Variants in ZSWIM6 observed in about 807,000 individuals in gnomAD.
ZSWIM6 encodes the protein zinc finger SWIM-type containing 6, also known as zinc finger SWIM domain-containing protein 6.
A neutral mutation model predicts 113.2 loss-of-function variants in ZSWIM6; 9 were observed. The ratio of observed to expected loss-of-function variants is 0.08; its 90% CI spans 0.05 to 0.14. ZSWIM6 has a LOEUF of 0.14. ZSWIM6 is among the 10% of genes least tolerant of loss of function. ZSWIM6 has a pLI of 1.00. For missense variants in ZSWIM6, 1,162 were observed against 1,552.2 expected (o/e 0.75, Z 4.22); for synonymous variants, 611 against 606.5 (o/e 1.01, Z -0.11).
chr5:61,391,608 G>A (rs1396698390), intron 1 of ZSWIM6: 1 of 905,184 alleles, frequency 1.1e-6, no homozygotes, highest in East Asian at 2.4e-5. Context: ...AGCCCACAAT[G>A]GCCACAACCA....
At chr5:61,490,244 A>G (rs1188242879) in intron 2 of ZSWIM6, among the ~76,000 whole-genome samples, 2 of 152,078 alleles carry the variant, frequency 1.3e-5, no homozygotes, top group African/African-American at 2.4e-5. Flanking sequence ...GTTTAATACA[A>G]CAGCTGCACT....
intron 4 of ZSWIM6, among the ~76,000 whole-genome samples, chr5:61,520,833 G>C (rs1200218921): frequency 6.6e-6 from 1 of 152,130 alleles, no homozygotes; most frequent in Non-Finnish European, 1.5e-5. Context: ...ATATATTGCA[G>C]TATCCATGTA....
chr5:61,535,648 G>A (rs1749555921), intron 10 of ZSWIM6, 29 bp downstream of exon 10: 1 of 1,549,368 alleles, frequency 6.5e-7, no homozygotes, highest in Admixed American at 2.0e-5. Context: ...GCTGGGCAGA[G>A]GCAGGCCACA....
At chr5:61,522,409 A>G (rs1472545509) in intron 5 of ZSWIM6, among the ~76,000 whole-genome samples, 1 of 152,230 alleles carries the variant, frequency 6.6e-6, no homozygotes, top group Non-Finnish European at 1.5e-5. Flanking sequence ...AGTCAAGACT[A>G]CATTCTCTAT....
At chr5:61,500,189 C>A (rs1040171582) in intron 4 of ZSWIM6, among the ~76,000 whole-genome samples, 1 of 151,150 alleles carries the variant, frequency 6.6e-6, no homozygotes. Context: ...TTCAGTAGTG[C>A]GATCACGGCT....
At chr5:61,421,944 T>A (rs1746363973) in intron 1 of ZSWIM6, among the ~76,000 whole-genome samples, 1 of 152,240 alleles carries the variant, frequency 6.6e-6, no homozygotes, top group Non-Finnish European at 1.5e-5. Context: ...CACAGCCTTG[T>A]ATATTCTGGT....
intron 1 of ZSWIM6, among the ~76,000 whole-genome samples, chr5:61,440,708 T>C (rs1233209602): frequency 6.6e-6 from 1 of 152,188 alleles, no homozygotes; most frequent in African/African-American, 2.4e-5. Context: ...AGAGCATGAA[T>C]GTTTGGGGCG....
At chr5:61,375,992 A>G (rs1326248897) in intron 1 of ZSWIM6, 3 of 555,266 alleles carry the variant, frequency 5.4e-6, no homozygotes, top group Non-Finnish European at 9.3e-6. Flanking sequence ...TTCAGTAGCC[A>G]CTCAGATGCC....
At chr5:61,503,471 G>GA (rs1748527386) in intron 4 of ZSWIM6, among the ~76,000 whole-genome samples, 1 of 152,190 alleles carries the variant, frequency 6.6e-6, no homozygotes, top group South Asian at 2.1e-4. Context: ...AATAAAGTAG[G>GA]AATCAGAGAG....
At chr5:61,381,908 A>C (rs1276162653) in intron 1 of ZSWIM6, among the ~76,000 whole-genome samples, 3 of 152,236 alleles carry the variant, frequency 2.0e-5, no homozygotes, top group African/African-American at 7.2e-5. Context: ...AGTAGAATGC[A>C]TATATCTTTC....
chr5:61,434,709 G>A (rs1418070794), intron 1 of ZSWIM6, among the ~76,000 whole-genome samples: 3 of 152,138 alleles, frequency 2.0e-5, no homozygotes, highest in African/African-American at 4.8e-5. Flanking sequence ...CATTTAGCTT[G>A]GTTCCATATT....
intron 2 of ZSWIM6, among the ~76,000 whole-genome samples, chr5:61,478,727 GTGAA>G (rs1470021583): frequency 6.6e-6 from 1 of 151,782 alleles, no homozygotes; most frequent in Non-Finnish European, 1.5e-5. Flanking sequence ...GTGTGTGTGT[GTGAA>G]TTTGTATAGA....
intron 8 of ZSWIM6, 56 bp downstream of exon 8, chr5:61,530,254 A>G: frequency 6.8e-7 from 1 of 1,469,270 alleles, no homozygotes; most frequent in Non-Finnish European, 9.1e-7. Flanking sequence ...CCTGAATGGC[A>G]GTAGTCATTG....
In ZSWIM6 at chr5:61,417,141, C is replaced by G. The variant is rs901575530; in HGVS notation, c.677-55540C>G. On this transcript the variant is annotated intron_variant, in intron 1 of 13. Transcript: ENST00000252744. The stretch of plus-strand genomic sequence containing the variant: ...TGGGCAACAAGAGCAAACTCCGTCT[C>G]GAAGAAAAAAAAAATAAAAGCGCAT... Among the ~76,000 whole-genome samples, 25 of 150,936 alleles carry G rather than the reference C, an allele frequency of 1.7e-4. No homozygotes were observed. In the East Asian group the frequency reaches 4.9e-3, roughly 29 times the overall value.
intron 13 of ZSWIM6, among the ~76,000 whole-genome samples, chr5:61,542,594 A>G (rs904020697): frequency 5.3e-5 from 8 of 152,152 alleles, no homozygotes; most frequent in African/African-American, 1.9e-4. Flanking sequence ...TGCTGAGAAA[A>G]CACTGCCATC....
At chr5:61,440,763 GTTCTA>G (rs1279810250) in intron 1 of ZSWIM6, among the ~76,000 whole-genome samples, 1 of 152,168 alleles carries the variant, frequency 6.6e-6, no homozygotes, top group Non-Finnish European at 1.5e-5. Context: ...GGAATTTTCT[GTTCTA>G]TTCAACCAAT....
intron 1 of ZSWIM6, among the ~76,000 whole-genome samples, chr5:61,432,737 C>T (rs1392498808): frequency 3.3e-5 from 5 of 152,108 alleles, no homozygotes; most frequent in Non-Finnish European, 7.4e-5. Flanking sequence ...TGACAGTGAT[C>T]GTTCTTTTCT....
Position 61,493,783 on chromosome 5 carries a change from C to T in ZSWIM6, c.1183-477C>T, listed in dbSNP as rs559143336. ...GCCAGATTTTACTTCTGTGGTTTGT[C>T]AAAGCATGAATGCCTACTTTGTTGG... On this transcript the variant is annotated intron_variant, in intron 3 of 13. Coordinates refer to ENST00000252744, the MANE Select transcript of ZSWIM6 (RefSeq NM_020928.2). 4.6e-5 allele frequency among the ~76,000 whole-genome samples: 7 copies of T among 152,234 alleles called. No homozygotes were observed. In the East Asian group the frequency reaches 9.6e-4, roughly 21 times the overall value.
At chr5:61,528,101 A>ATTTTTGGTAATTG (rs1749333914) in intron 7 of ZSWIM6, among the ~76,000 whole-genome samples, 1 of 151,838 alleles carries the variant, frequency 6.6e-6, no homozygotes. Flanking sequence ...TCCCTACTTT[A>ATTTTTGGTAATTG]TTTTTGGTAA....
Sources: allele counts gnomAD v4.1 joint callset (sites outside exome capture counted in the v4.1 genomes callset), GRCh38; gene constraint gnomAD v4.1.1; transcripts MANE v1.5; gene names NCBI Gene and HGNC (gene_info 2026-07-23, HGNC 2026-07-21).